The following ZNF385B variants were observed in gnomAD, a reference collection of about 807,000 sequenced individuals.
ZNF385B encodes the protein zinc finger protein 385B.
In ZNF385B, 23 loss-of-function variants were observed where a neutral mutation model predicts 39.2. That is an observed-to-expected ratio of 0.59 (90% CI 0.42 to 0.83). ZNF385B has a LOEUF of 0.83. Among genes scored for constraint, ZNF385B ranks in the 40% least tolerant of loss-of-function variants. ZNF385B has a pLI of 0.00. For missense variants in ZNF385B, 552 were observed against 598.9 expected, an observed-to-expected ratio of 0.92 and a Z score of 0.82; for synonymous variants, 205 against 222.6, an observed-to-expected ratio of 0.92 and a Z score of 0.70.
intron 6 of ZNF385B, among the ~76,000 whole-genome samples, chr2:179,460,701 A>C (rs1355229566): frequency 6.6e-6 from 1 of 152,180 alleles, no homozygotes; most frequent in Non-Finnish European, 1.5e-5. Context: ...CCCATGACTC[A>C]TGACTCAACC....
Position 179,513,281 on chromosome 2 carries a change from G to A in ZNF385B, c.552+5247C>T, listed in dbSNP as rs1174462080. Among the ~76,000 whole-genome samples, 4 of 152,150 alleles carry A rather than the reference G, an allele frequency of 2.6e-5. No homozygotes were observed. The East Asian group carries it at 7.7e-4, about 29-fold the overall frequency. The stretch of plus-strand genomic sequence containing the variant: ...TCAGAGCTTGGTTATGCAGATTATA[G>A]CACCATTACTAAACACTGAGAACAA... On this transcript the variant is annotated intron_variant, in intron 5 of 9. Transcript: ENST00000410066.
intron 5 of ZNF385B, among the ~76,000 whole-genome samples, chr2:179,485,769 C>T (rs565707426): frequency 1.1e-3 from 163 of 151,984 alleles, no homozygotes; most frequent in African/African-American, 3.8e-3. Flanking sequence ...TCTTGTAGGG[C>T]GGGAGGTGGC....
chr2:179,522,610 T>C (rs1278527632), intron 4 of ZNF385B, among the ~76,000 whole-genome samples: 13 of 152,176 alleles, frequency 8.5e-5, no homozygotes, highest in Admixed American at 5.9e-4. Context: ...ATTCTGATTT[T>C]TAAAGATTCA....
chr2:179,538,871 A>G (rs952424189), intron 4 of ZNF385B, among the ~76,000 whole-genome samples: 1 of 152,244 alleles, frequency 6.6e-6, no homozygotes, highest in Non-Finnish European at 1.5e-5. Flanking sequence ...AACATTTCAA[A>G]TAAATAGGCA....
chr2:179,569,513 C>A (rs1244000587), intron 3 of ZNF385B, among the ~76,000 whole-genome samples: 1 of 152,084 alleles, frequency 6.6e-6, no homozygotes. Flanking sequence ...ACTGTGAAAA[C>A]AGCATAATTT....
chr2:179,777,841 CG>C (rs1187779761), intron 1 of ZNF385B, among the ~76,000 whole-genome samples: 4 of 150,222 alleles, frequency 2.7e-5, no homozygotes, highest in Non-Finnish European at 4.4e-5. Flanking sequence ...GGCACGATCT[CG>C]GCACACTGCA....
chr2:179,764,250 G>T (rs907219363), intron 3 of ZNF385B, among the ~76,000 whole-genome samples: 6 of 152,064 alleles, frequency 3.9e-5, no homozygotes, highest in Non-Finnish European at 8.8e-5. Context: ...TACTTCATCA[G>T]ATATTAATAT....
At chr2:179,562,302 T>A in intron 3 of ZNF385B, 2 of 848,666 alleles carry the variant, frequency 2.4e-6, no homozygotes, top group Non-Finnish European at 2.8e-6. Flanking sequence ...TACTTTTCTC[T>A]TTTTCTGAAA....
chr2:179,815,680 C>G (rs1707020080), intron 1 of ZNF385B, among the ~76,000 whole-genome samples: 1 of 152,164 alleles, frequency 6.6e-6, no homozygotes, highest in Non-Finnish European at 1.5e-5. Context: ...TAGCGCTTAA[C>G]CAGGTCACTA....
At chr2:179,587,821 A>T (rs1265444492) in intron 3 of ZNF385B, among the ~76,000 whole-genome samples, 1 of 152,336 alleles carries the variant, frequency 6.6e-6, no homozygotes, top group African/African-American at 2.4e-5. Flanking sequence ...TCTTCTGTTC[A>T]TAAGAAGATC....
intron 1 of ZNF385B, chr2:179,802,400 A>T (rs916639888): frequency 4.6e-5 from 7 of 152,014 alleles, no homozygotes; most frequent in South Asian, 2.1e-4. Context: ...CCCCCTCTCA[A>T]ATTCACATTC....
intron 3 of ZNF385B, among the ~76,000 whole-genome samples, chr2:179,644,473 C>T (rs1417770729): frequency 6.6e-6 from 1 of 152,028 alleles, no homozygotes; most frequent in Non-Finnish European, 1.5e-5. Context: ...TGATATTTAC[C>T]AAAAATAGAT....
At chr2:179,751,582 C>T (rs1702679378) in intron 3 of ZNF385B, among the ~76,000 whole-genome samples, 1 of 151,798 alleles carries the variant, frequency 6.6e-6, no homozygotes, top group South Asian at 2.1e-4. Context: ...ATGTCCTGAC[C>T]CCAGAAGCCA....
At chr2:179,547,797 G>A (rs570448518) in intron 3 of ZNF385B, among the ~76,000 whole-genome samples, 5 of 149,510 alleles carry the variant, frequency 3.3e-5, no homozygotes, top group Non-Finnish European at 7.4e-5. Context: ...TGAATCTGTA[G>A]ATTGCTTTGG....
At chr2:179,681,861 T>C (rs1482627466) in intron 3 of ZNF385B, among the ~76,000 whole-genome samples, 2 of 152,236 alleles carry the variant, frequency 1.3e-5, no homozygotes, top group African/African-American at 2.4e-5. Context: ...GCATGACTTA[T>C]GGCCCTGTAA....
chr2:179,714,379 G>A (rs913682698), intron 3 of ZNF385B, among the ~76,000 whole-genome samples: 3 of 152,052 alleles, frequency 2.0e-5, no homozygotes, highest in Non-Finnish European at 2.9e-5. Flanking sequence ...GTTACTTATC[G>A]AAGAATATCC....
chr2:179,640,770 T>A (rs1692194730), intron 3 of ZNF385B, among the ~76,000 whole-genome samples: 1 of 152,134 alleles, frequency 6.6e-6, no homozygotes, highest in African/African-American at 2.4e-5. Flanking sequence ...CTTGGTTAAT[T>A]GAGTAAAAAA....
chr2:179,567,999 A>G (rs1347915536), intron 3 of ZNF385B, among the ~76,000 whole-genome samples: 1 of 152,188 alleles, frequency 6.6e-6, no homozygotes, highest in Non-Finnish European at 1.5e-5. Context: ...ATGTCACTCC[A>G]GTGGAACAGT....
intron 3 of ZNF385B, among the ~76,000 whole-genome samples, chr2:179,554,610 T>A (rs988390933): frequency 6.7e-6 from 1 of 148,934 alleles, no homozygotes; most frequent in African/African-American, 2.5e-5. Flanking sequence ...AAGAAAAAAA[T>A]TGATGAATAT....
Sources: allele counts gnomAD v4.1 joint callset (sites outside exome capture counted in the v4.1 genomes callset), GRCh38; gene constraint gnomAD v4.1.1; transcripts MANE v1.5; gene names NCBI Gene and HGNC (gene_info 2026-07-23, HGNC 2026-07-21).